Variants in FAP observed in about 807,000 individuals in gnomAD.
FAP encodes the protein fibroblast activation protein alpha, also known as prolyl endopeptidase FAP.
FAP carries 110 observed loss-of-function variants against 126.5 expected under a neutral mutation model. That is an observed-to-expected ratio of 0.87 (90% confidence interval 0.74 to 1.02). The LOEUF (loss-of-function observed/expected upper bound fraction) is 1.02. FAP is among the 50% of genes least tolerant of loss of function. The pLI is 0.00. For synonymous variants in FAP, 334 were observed against 297.3 expected (o/e 1.12, Z -1.27); for missense variants, 919 against 909.2 (o/e 1.01, Z -0.14).
At chr2:162,233,983 G>A (rs976474802) in intron 2 of FAP, among the ~76,000 whole-genome samples, 1 of 152,076 alleles carries the variant, frequency 6.6e-6, no homozygotes, top group African/African-American at 2.4e-5. Context: ...CCGTTGAATT[G>A]TCTTGGCATC....
intron 2 of FAP, among the ~76,000 whole-genome samples, chr2:162,232,931 C>T (rs2106297435): frequency 6.6e-6 from 1 of 152,212 alleles, no homozygotes; most frequent in African/African-American, 2.4e-5. Context: ...GCTCATTTTC[C>T]TCTAATCTCT....
At chr2:162,211,341 A>G (rs1287855814) in intron 11 of FAP, among the ~76,000 whole-genome samples, 1 of 152,146 alleles carries the variant, frequency 6.6e-6, no homozygotes, top group Non-Finnish European at 1.5e-5. Flanking sequence ...TGGACTCACT[A>G]TTGGATGGTT....
At chr2:162,225,094 A>C (rs1689579426) in intron 4 of FAP, among the ~76,000 whole-genome samples, 4 of 152,170 alleles carry the variant, frequency 2.6e-5, no homozygotes, top group Admixed American at 2.6e-4. Context: ...TTTATTAACC[A>C]AAAGAGGCAT....
At chr2:162,197,618 T>C (rs1224651501) in intron 16 of FAP, 2 of 456,708 alleles carry the variant, frequency 4.4e-6, no homozygotes, top group Non-Finnish European at 8.8e-6. Context: ...TGCTTATTCA[T>C]GTCCACGTAG....
chr2:162,217,656 G>T (rs1488765069), intron 9 of FAP, among the ~76,000 whole-genome samples: 3 of 152,080 alleles, frequency 2.0e-5, no homozygotes, highest in South Asian at 2.1e-4. Context: ...ATTCAAGAGA[G>T]AATTGCAAAA....
At chr2:162,216,778 C>T (rs747129964) in intron 9 of FAP, among the ~76,000 whole-genome samples, 3 of 152,152 alleles carry the variant, frequency 2.0e-5, no homozygotes, top group East Asian at 1.9e-4. Flanking sequence ...AACTGTTCAA[C>T]GTCTCTTAGG....
At chr2:162,204,790 C>T (rs1259157177) in intron 12 of FAP, among the ~76,000 whole-genome samples, 1 of 152,126 alleles carries the variant, frequency 6.6e-6, no homozygotes, top group Admixed American at 6.5e-5. Flanking sequence ...ATACAGTGCC[C>T]TAAGTCTCAC....
rs80245757 is a variant in FAP at position 162,172,868 on chromosome 2, T to C, written c.2124A>G (p.Gln708=). The part of the protein sequence containing the change: ...HGTADDNVHF[Q]NSAQIAKALV... ...GAGCTTTAGCAATCTGTGCTGAGTT[T>C]TGAAAGTGCACATTATCTGCAACAA... Residue 708 remains glutamine (Q), a synonymous_variant, in exon 25 of 26, where the codon CAA becomes CAG. Coordinates refer to ENST00000188790, the MANE Select transcript of FAP (RefSeq NM_004460.5). 3.0e-3 allele frequency: 4,885 copies of C among 1,612,514 alleles called. 17 individuals carry two copies. The highest frequency in any genetic ancestry group is 3.7e-3 in the Non-Finnish European group (4,334 of 1,178,852).
chr2:162,194,649 A>C, intron 17 of FAP, 52 bp downstream of exon 17: 1 of 1,539,506 alleles, frequency 6.5e-7, no homozygotes, highest in South Asian at 1.1e-5. Flanking sequence ...GGAGCATCAC[A>C]GAGAGTTCAG....
At chr2:162,233,519 T>C (rs973532569) in intron 2 of FAP, among the ~76,000 whole-genome samples, 6 of 152,218 alleles carry the variant, frequency 3.9e-5, no homozygotes, top group African/African-American at 1.4e-4. Flanking sequence ...CATTTGTATA[T>C]CTTCCTTAGC....
chr2:162,241,753 A>G (rs535089644), intron 2 of FAP, among the ~76,000 whole-genome samples: 2 of 152,330 alleles, frequency 1.3e-5, no homozygotes, highest in Admixed American at 6.5e-5. Context: ...TATGAAAGAT[A>G]TGTACACACA....
Position 162,194,775 on chromosome 2 carries a change from T to C in FAP, c.1403-27A>G, listed in dbSNP as rs778423031. 4 of 1,608,946 alleles carry C rather than the reference T, an allele frequency of 2.5e-6. No individual in the cohort carries two copies. The East Asian group carries it at 8.9e-5, about 36-fold the overall frequency. ...TGTGGGCAGGATGAAAACAAAATCA[T>C]GGCTTAGTGTTAAAATAACAATTCC... On this transcript the variant is annotated intron_variant, in intron 16 of 25. Transcript: ENST00000188790.
chr2:162,208,851 T>G (rs1193122706), intron 12 of FAP, among the ~76,000 whole-genome samples: 3 of 151,434 alleles, frequency 2.0e-5, no homozygotes, highest in Non-Finnish European at 4.4e-5. Flanking sequence ...AATTACATAC[T>G]TATCTTTATT....
At chr2:162,178,838 C>T (rs949511253) in intron 21 of FAP, among the ~76,000 whole-genome samples, 5 of 152,180 alleles carry the variant, frequency 3.3e-5, no homozygotes, top group South Asian at 2.1e-4. Flanking sequence ...TAATACAAAA[C>T]GCAATAAGAG....
intron 12 of FAP, 70 bp downstream of exon 12, chr2:162,209,882 A>T: frequency 7.1e-7 from 1 of 1,408,226 alleles, no homozygotes; most frequent in Non-Finnish European, 1.0e-6. Flanking sequence ...GTACATTGCA[A>T]ATAGTCCTTT....
At chr2:162,241,768 A>G (rs1486078696) in intron 2 of FAP, among the ~76,000 whole-genome samples, 1 of 152,186 alleles carries the variant, frequency 6.6e-6, no homozygotes, top group Non-Finnish European at 1.5e-5. Context: ...CACACACTAC[A>G]TACCTCTCAA....
At chr2:162,224,375 G>T in intron 5 of FAP, 91 bp downstream of exon 5, 1 of 737,026 alleles carries the variant, frequency 1.4e-6, no homozygotes, top group Non-Finnish European at 2.3e-6. Context: ...TAGAGATAAA[G>T]ACAGACTCTT....
intron 2 of FAP, among the ~76,000 whole-genome samples, chr2:162,239,502 TAA>T (rs11356064): frequency 6.8e-6 from 1 of 146,796 alleles, no homozygotes; most frequent in Admixed American, 6.7e-5. Flanking sequence ...TGTTTTTGGT[TAA>T]AAAAAAAAAG....
chr2:162,200,765 T>C (rs1306818478), intron 14 of FAP, 146 bp from the exon 15 acceptor site: 3 of 492,108 alleles, frequency 6.1e-6, no homozygotes, highest in Admixed American at 3.9e-5. Context: ...TAACTGCTGT[T>C]CATAACTGAA....
Sources: allele counts gnomAD v4.1 joint callset (sites outside exome capture counted in the v4.1 genomes callset), GRCh38; gene constraint gnomAD v4.1.1; transcripts MANE v1.5; gene names NCBI Gene and HGNC (gene_info 2026-07-23, HGNC 2026-07-21).